The following NEDD4L variants were observed in gnomAD, a reference collection of about 807,000 sequenced individuals.
NEDD4L encodes the protein NEDD4 like E3 ubiquitin protein ligase, also known as E3 ubiquitin-protein ligase NEDD4-like.
A neutral mutation model predicts 148.9 loss-of-function variants in NEDD4L; 54 were observed. The observed-to-expected ratio is 0.36, with a 90% CI of 0.29 to 0.45. The LOEUF (loss-of-function observed/expected upper bound fraction) is 0.45. Among genes scored for constraint, NEDD4L ranks in the 20% least tolerant of loss-of-function variants. NEDD4L has a pLI of 1.00. For missense variants in NEDD4L, 856 were observed against 1,233.8 expected, an observed-to-expected ratio of 0.69 and a Z score of 4.59; for synonymous variants, 433 against 440.7, an observed-to-expected ratio of 0.98 and a Z score of 0.22.
chr18:58,255,503 C>T (rs1057333721), intron 5 of NEDD4L: 7 of 1,230,806 alleles, frequency 5.7e-6, no homozygotes, highest in Admixed American at 4.2e-5. Flanking sequence ...TGCTATCTGT[C>T]GCTCCCGGTG....
rs2050643150 is a variant in NEDD4L at position 58,398,563 on chromosome 18, C to T, written c.*2294C>T. The T allele has an allele frequency of 6.6e-6, 1 of 152,124 alleles. No homozygotes were observed. Among genetic ancestry groups the T allele is most frequent in the Non-Finnish European group, 1.5e-5 (1 of 68,040 alleles). The allele number at this position is 152,124 out of a possible 1,614,324, so 9.4% of individuals were successfully genotyped here. A position where few individuals can be genotyped will look rare whatever the true frequency, so the allele number is the denominator to read the frequency against. On this transcript the variant is annotated 3_prime_UTR_variant, in exon 31 of 31. Transcript: ENST00000400345. ...GCAAACAAGAATTACTGAAATCTACCCCATGAATACTTGGAAGGCAGTAAT... is the reference window on the plus strand; with the variant it reads ...GCAAACAAGAATTACTGAAATCTACTCCATGAATACTTGGAAGGCAGTAAT...
At chr18:58,266,221 A>T (rs1025290543) in intron 5 of NEDD4L, among the ~76,000 whole-genome samples, 1 of 152,100 alleles carries the variant, frequency 6.6e-6, no homozygotes, top group African/African-American at 2.4e-5. Flanking sequence ...TAAATTCAGG[A>T]TAGATAATTT....
At chr18:58,287,894 T>C (rs998835332) in intron 5 of NEDD4L, among the ~76,000 whole-genome samples, 23 of 152,208 alleles carry the variant, frequency 1.5e-4, no homozygotes, top group African/African-American at 5.3e-4. Context: ...CTCACAACCA[T>C]TAAAGAAAAA....
At chr18:58,166,438 A>G (rs2036853453) in intron 2 of NEDD4L, among the ~76,000 whole-genome samples, 1 of 152,180 alleles carries the variant, frequency 6.6e-6, no homozygotes, top group Admixed American at 6.5e-5. Context: ...ATTGGCTGTC[A>G]GCAATGTGTT....
chr18:58,336,900 G>C (rs953886182), intron 13 of NEDD4L, among the ~76,000 whole-genome samples: 1 of 152,224 alleles, frequency 6.6e-6, no homozygotes, highest in African/African-American at 2.4e-5. Flanking sequence ...GTGGAGCTTT[G>C]AGGGGGACAA....
At chr18:58,096,876 C>T (rs183404150) in intron 1 of NEDD4L, among the ~76,000 whole-genome samples, 1 of 152,280 alleles carries the variant, frequency 6.6e-6, no homozygotes. Flanking sequence ...AATGTGAAAT[C>T]CTTTCAGCCT....
At chr18:58,250,000 TCCAAAGTGTTTAGACTCCTTTCA>T (rs2047703460) in intron 4 of NEDD4L, among the ~76,000 whole-genome samples, 1 of 152,350 alleles carries the variant, frequency 6.6e-6, no homozygotes, top group African/African-American at 2.4e-5. Context: ...CTTGTGAACC[TCCAAAGTGTTTAGACTCCTTTCA>T]GTGGAACACT....
At position 58,385,026 on chromosome 18, in the gene NEDD4L, A is replaced by G. The variant is rs75707845; in HGVS notation, c.2427-500A>G. The stretch of plus-strand genomic sequence containing the variant: ...AAATCATTTTGCTGATAAAGCTTAT[A>G]TGTTATTGTTGAATATTAGCACATT... On this transcript the variant is annotated intron_variant, in intron 25 of 30. Transcript: ENST00000400345. Among the ~76,000 whole-genome samples, 937 of 152,356 alleles carry G rather than the reference A, an allele frequency of 6.2e-3. 12 individuals are homozygous for G. Among genetic ancestry groups the G allele is most frequent in the African/African-American group, 0.021 (870 of 41,580 alleles).
chr18:58,391,229 T>A (rs1413680767), intron 29 of NEDD4L, among the ~76,000 whole-genome samples: 1 of 152,218 alleles, frequency 6.6e-6, no homozygotes, highest in Non-Finnish European at 1.5e-5. Context: ...TGTAGCTGCC[T>A]GCCTTTCCAC....
chr18:58,174,914 C>T (rs535041753), intron 2 of NEDD4L, among the ~76,000 whole-genome samples: 1 of 152,230 alleles, frequency 6.6e-6, no homozygotes, highest in South Asian at 2.1e-4. Flanking sequence ...TTTCTTTGCC[C>T]TTCTTTGAAA....
At chr18:58,271,873 C>G (rs1306067074) in intron 5 of NEDD4L, among the ~76,000 whole-genome samples, 3 of 152,112 alleles carry the variant, frequency 2.0e-5, no homozygotes, top group Non-Finnish European at 4.4e-5. Flanking sequence ...GAATGTGCTT[C>G]TCTCTAATCT....
chr18:58,286,657 A>T (rs776610864), intron 5 of NEDD4L, among the ~76,000 whole-genome samples: 1 of 152,206 alleles, frequency 6.6e-6, no homozygotes, highest in Non-Finnish European at 1.5e-5. Flanking sequence ...GGGCTTCATC[A>T]TGTTCATGAT....
chr18:58,300,823 G>A (rs1476741153), intron 5 of NEDD4L, among the ~76,000 whole-genome samples: 2 of 152,192 alleles, frequency 1.3e-5, no homozygotes, highest in Non-Finnish European at 2.9e-5. Context: ...TGCTTTACTA[G>A]ATTTGCTCCT....
intron 2 of NEDD4L, among the ~76,000 whole-genome samples, chr18:58,185,204 C>T (rs1334616349): frequency 2.0e-5 from 3 of 152,072 alleles, no homozygotes; most frequent in Non-Finnish European, 2.9e-5. Flanking sequence ...GTGATCGGAC[C>T]GTGGGAGCTG....
At chr18:58,161,019 T>C (rs2036136667) in intron 1 of NEDD4L, among the ~76,000 whole-genome samples, 1 of 150,630 alleles carries the variant, frequency 6.6e-6, no homozygotes, top group East Asian at 2.1e-4. Flanking sequence ...TTTCTTTCTT[T>C]CTTTTTTTTT....
chr18:58,044,366 TGCGCCGCCGCCGCGCGCAGTGAGAG>T lies in NEDD4L; in HGVS notation c.-288_-264del, dbSNP rs1425584978. The T allele has an allele frequency of 6.0e-5, 11 of 181,884 alleles. No homozygotes were observed. The highest frequency in any genetic ancestry group is 1.5e-4 in the East Asian group (1 of 6,770). The allele number at this position is 181,884 out of a possible 1,614,324, so 11.3% of individuals were successfully genotyped here. Reference sequence around the variant, plus strand: ...CGGGGAGGGAAAGCCCGGCCGGGTCTGCGCCGCCGCCGCGCGCAGTGAGAGGCGCCGGGGCTGCCGCCCGGTGCTC... The same window carrying T: ...CGGGGAGGGAAAGCCCGGCCGGGTCTGCGCCGGGGCTGCCGCCCGGTGCTC... On this transcript the variant is annotated 5_prime_UTR_variant, in exon 1 of 31. Coordinates refer to ENST00000400345, the MANE Select transcript of NEDD4L (RefSeq NM_001144967.3).
chr18:58,380,023 C>T (rs1221359889), intron 24 of NEDD4L, among the ~76,000 whole-genome samples: 2 of 151,976 alleles, frequency 1.3e-5, no homozygotes, highest in African/African-American at 4.8e-5. Flanking sequence ...CTGCTGTGAC[C>T]TCATTTAGCA....
At chr18:58,230,697 C>G (rs750169594) in intron 2 of NEDD4L, among the ~76,000 whole-genome samples, 1 of 152,116 alleles carries the variant, frequency 6.6e-6, no homozygotes, top group Non-Finnish European at 1.5e-5. Flanking sequence ...TCTGAGGTGC[C>G]ATTGTCAGGT....
chr18:58,345,227 G>A (rs1174233032), intron 16 of NEDD4L, among the ~76,000 whole-genome samples: 4 of 152,202 alleles, frequency 2.6e-5, no homozygotes, highest in Admixed American at 6.5e-5. Context: ...CTTCTTAAGC[G>A]AATTCAGATG....
Sources: gnomAD v4.1 joint callset for allele counts (sites outside exome capture counted in the v4.1 genomes callset) on GRCh38, gnomAD v4.1.1 for gene constraint, MANE v1.5 for transcripts, NCBI Gene and HGNC (gene_info 2026-07-23, HGNC 2026-07-21) for gene names.